OR13G1: variants seen among roughly 807,000 people sequenced by gnomAD.
OR13G1 encodes the protein olfactory receptor family 13 subfamily G member 1.
For synonymous variants in OR13G1, 128 were observed against 136.2 expected, an observed-to-expected ratio of 0.94 and a Z score of 0.42; for missense variants, 369 against 385.7, an observed-to-expected ratio of 0.96 and a Z score of 0.36.
chr1:247,675,921 A>C (rs992887193), intron 1 of OR13G1, among the ~76,000 whole-genome samples: 3 of 152,158 alleles, frequency 2.0e-5, no homozygotes, highest in Non-Finnish European at 4.4e-5. Flanking sequence ...ATCAAAAGCC[A>C]TTTACTCCTG....
chr1:247,673,119 G>C lies in OR13G1; in HGVS notation c.-78C>G, dbSNP rs1659245806. ...GGAAAGAATCCCTGTGTTGTTAGGA[G>C]ATAACATGAGGAGTGTGTGTACTTA... On this transcript the variant is annotated 5_prime_UTR_variant, in exon 2 of 2. The change creates a new upstream start codon in the 5' untranslated region. Transcript: ENST00000642119. The C allele has an allele frequency of 1.8e-6, 2 of 1,100,120 alleles. No individual in the cohort carries two copies. The highest frequency in any genetic ancestry group is 1.6e-5 in the African/African-American group (1 of 64,410). 68.1% of individuals were successfully genotyped at this position (1,100,120 alleles called of 1,614,324 possible). A position where few individuals can be genotyped will look rare whatever the true frequency, so the allele number is the denominator to read the frequency against.
chr1:247,679,220 C>A (rs770861930), intron 1 of OR13G1, among the ~76,000 whole-genome samples: 2 of 151,974 alleles, frequency 1.3e-5, no homozygotes, highest in Non-Finnish European at 2.9e-5. Flanking sequence ...AATTCTTAAA[C>A]TATTTAGCTA....
At chr1:247,673,363 T>TAC (rs542948735) in intron 1 of OR13G1, 84 bp from the exon 2 acceptor site, 8 of 247,944 alleles carry the variant, frequency 3.2e-5, no homozygotes, top group African/African-American at 1.4e-4. Flanking sequence ...CTTGTCTAAA[T>TAC]ACACACACAC....
chr1:247,679,483 G>A (rs1659420865), intron 1 of OR13G1, among the ~76,000 whole-genome samples, 157 bp downstream of exon 1: 1 of 115,368 alleles, frequency 8.7e-6, no homozygotes, highest in African/African-American at 3.6e-5. Flanking sequence ...ATCCGCGGAT[G>A]GATTGTGTGT....
At chr1:247,678,632 G>A (rs1344518843) in intron 1 of OR13G1, among the ~76,000 whole-genome samples, 2 of 152,200 alleles carry the variant, frequency 1.3e-5, no homozygotes, top group African/African-American at 2.4e-5. Flanking sequence ...CACTGTTGAA[G>A]TACTAGAAAA....
intron 1 of OR13G1, among the ~76,000 whole-genome samples, chr1:247,678,052 G>A (rs1235103332): frequency 1.3e-5 from 2 of 152,100 alleles, no homozygotes; most frequent in Admixed American, 6.6e-5. Context: ...TCAGTGAGCC[G>A]AGATCGCGCC....
Position 247,672,700 on chromosome 1 carries a change from G to C in OR13G1, c.342C>G (p.Thr114=), listed in dbSNP as rs1484567817. 5.6e-6 allele frequency: 9 copies of C among 1,613,856 alleles called. No homozygotes were observed. The East Asian group carries it at 1.3e-4, about 24-fold the overall frequency. ...SLGAEMVLFT[T]MAYDRYVAIC... ...TGGCCACATAGCGGTCATAGGCCATGGTGGTGAAGAGAACCATCTCAGCTC... is the reference window on the plus strand; with the variant it reads ...TGGCCACATAGCGGTCATAGGCCATCGTGGTGAAGAGAACCATCTCAGCTC... The change falls in exon 2 of 2, where the codon ACC becomes ACG. Residue 114 remains threonine, a synonymous_variant. Transcript: ENST00000642119.
At chr1:247,677,087 G>A (rs936158667) in intron 1 of OR13G1, among the ~76,000 whole-genome samples, 4 of 151,934 alleles carry the variant, frequency 2.6e-5, no homozygotes, top group East Asian at 3.9e-4. Flanking sequence ...GTGAGACCTC[G>A]TTTCTACAAA....
chr1:247,671,455 C>G lies in OR13G1; in HGVS notation c.*663G>C, dbSNP rs988431049. On this transcript the variant is annotated 3_prime_UTR_variant, in exon 2 of 2. Coordinates refer to ENST00000642119, the MANE Select transcript of OR13G1 (RefSeq NM_001005487.2). ...ATTGAACCGCCATACACACTATTGA[C>G]TGCCTGCCTAATGTCAGACTAATGT... 2.0e-5 allele frequency: 3 copies of G among 152,472 alleles called. No individual in the cohort carries two copies. Among genetic ancestry groups the G allele is most frequent in the African/African-American group, 7.2e-5 (3 of 41,428 alleles). The allele number at this position is 152,472 out of a possible 1,614,324, so 9.4% of individuals were successfully genotyped here.
Position 247,673,147 on chromosome 1 carries a change from G to A in OR13G1, c.-106C>T. 1.2e-6 allele frequency: 1 copy of A among 850,256 alleles called. No individual in the cohort carries two copies. The highest frequency in any genetic ancestry group is 1.8e-6 in the Non-Finnish European group (1 of 547,414). The allele number at this position is 850,256 out of a possible 1,614,324, so 52.7% of individuals were successfully genotyped here. A position where few individuals can be genotyped will look rare whatever the true frequency, so the allele number is the denominator to read the frequency against. ...AACATGAGGAGTGTGTGTACTTAGGGACTTAATTCTTGATTGGACACAACT... is the reference window on the plus strand; with the variant it reads ...AACATGAGGAGTGTGTGTACTTAGGAACTTAATTCTTGATTGGACACAACT... On this transcript the variant is annotated 5_prime_UTR_variant, in exon 2 of 2. Transcript: ENST00000642119.
rs925183271 is a variant in OR13G1, at chr1:247,671,175, A to G, written c.*943T>C. ...CCTAATTTTAGAATATACTCTTCCAATTGGTACTTACAACTTGAAATGGTG... is the reference window on the plus strand; with the variant it reads ...CCTAATTTTAGAATATACTCTTCCAGTTGGTACTTACAACTTGAAATGGTG... On this transcript the variant is annotated 3_prime_UTR_variant, in exon 2 of 2. Coordinates refer to ENST00000642119, the MANE Select transcript of OR13G1 (RefSeq NM_001005487.2). 6.6e-6 allele frequency: 1 copy of G among 152,150 alleles called. No individual in the cohort carries two copies. The highest frequency in any genetic ancestry group is 1.5e-5 in the Non-Finnish European group (1 of 68,028). The allele number at this position is 152,150 out of a possible 1,614,324, so 9.4% of individuals were successfully genotyped here. A position where few individuals can be genotyped will look rare whatever the true frequency, so the allele number is the denominator to read the frequency against.
At position 247,672,143 on chromosome 1, in the gene OR13G1, T is replaced by G; in HGVS notation, c.899A>C (p.Lys300Thr). 6.2e-7 allele frequency: 1 copy of G among 1,613,728 alleles called. No individual in the cohort carries two copies. The highest frequency in any genetic ancestry group is 1.1e-5 in the South Asian group (1 of 91,038). Residue 300 changes from lysine (K) to threonine (T), a missense_variant, in exon 2 of 2, where the codon AAG (lysine) becomes ACG (threonine). Coordinates refer to ENST00000642119, the MANE Select transcript of OR13G1 (RefSeq NM_001005487.2). ...CTAGTGTTTCAGAAATGCAAACACC[T>G]TCCTAATTCCTGCCTGCATCTCCCT... ...QNREMQAGIR[K>T]VFAFLKH
Position 247,672,181 on chromosome 1 carries a change from G to T in OR13G1, c.861C>A (p.Tyr287Ter). 1 of 1,614,084 alleles carries T rather than the reference G, an allele frequency of 6.2e-7. No individual in the cohort carries two copies. Among genetic ancestry groups the T allele is most frequent in the African/African-American group, 1.3e-5 (1 of 75,054 alleles). ...CCTGCATCTCCCTATTCTGGAAGCT[G>T]TACACCATCGGGTTTAATGTGGGAG... ...LVTPTLNPMV[Y>*]SFQNREMQAG... The change falls in exon 2 of 2, where the codon TAC becomes TAA. Residue 287 changes from tyrosine to a stop codon, truncating the protein, a stop_gained. Coordinates refer to ENST00000642119, the MANE Select transcript of OR13G1 (RefSeq NM_001005487.2). LOFTEE classifies it low-confidence loss of function (END_TRUNC).
chr1:247,672,941 A>G lies in OR13G1; in HGVS notation c.101T>C (p.Val34Ala), dbSNP rs576269927. 24 of 1,614,042 alleles carry G rather than the reference A, an allele frequency of 1.5e-5. No homozygotes were observed. The South Asian group carries it at 2.2e-4, about 15-fold the overall frequency. The change falls in exon 2 of 2, where the codon GTG becomes GCG. Residue 34 changes from valine (V) to alanine (A), a missense_variant. Transcript: ENST00000642119. ...IFLFFLIVYL[V>A]AFLGNMLIII... is the part of the protein sequence containing the mutation. ...GATGAGCATGTTGCCGAGAAAAGCC[A>G]CAAGATAGACAATGAGAAAAAAGAG...
chr1:247,673,300 G>A, intron 1 of OR13G1, 21 bp from the exon 2 acceptor site: 1 of 427,236 alleles, frequency 2.3e-6, no homozygotes. Context: ...TGGTTGAGAA[G>A]AAAAATATTT....
At position 247,672,381 on chromosome 1, in the gene OR13G1, C is replaced by T; in HGVS notation, c.661G>A (p.Ala221Thr). ...TCISYGFIIV[A>T]ILRIRTVEGK... ...TCTACTGTGCGGATACGGAGAATAGCAACAATGATAAAACCATAGGAGATG... is the reference window on the plus strand; with the variant it reads ...TCTACTGTGCGGATACGGAGAATAGTAACAATGATAAAACCATAGGAGATG... The change falls in exon 2 of 2, where the codon GCT (alanine) becomes ACT (threonine). Residue 221 changes from alanine to threonine, a missense_variant. Ala to Thr is a moderately conservative substitution (Grantham distance 58). Transcript: ENST00000642119. The T allele has an allele frequency of 6.2e-7, 1 of 1,614,070 alleles. No individual in the cohort carries two copies. The highest frequency in any genetic ancestry group is 8.5e-7 in the Non-Finnish European group (1 of 1,179,976).
At position 247,672,814 on chromosome 1, in the gene OR13G1, C is replaced by T. The variant is rs371166459; in HGVS notation, c.228G>A (p.Pro76=). 8.8e-5 allele frequency: 142 copies of T among 1,613,836 alleles called. No individual in the cohort carries two copies. The highest frequency in any genetic ancestry group is 2.0e-4 in the Admixed American group (12 of 59,942). Residue 76 remains proline, a synonymous_variant, in exon 2 of 2, where the codon CCG becomes CCA. Coordinates refer to ENST00000642119, the MANE Select transcript of OR13G1 (RefSeq NM_001005487.2). ...ATGTTAGCATGGTCCCCAGCATCTT[C>T]GGTATGATGCTTGTTGTGCAGATGA... ...VDIICTTSII[P]KMLGTMLTSE...
In OR13G1 at chr1:247,670,868, G is replaced by A. The variant is rs1222655686; in HGVS notation, c.*1250C>T. ...AAAATTCCAACATGTTTTCATAATT[G>A]TGGAAATATATTGTAAAAATATGCT... On this transcript the variant is annotated 3_prime_UTR_variant, in exon 2 of 2. Transcript: ENST00000642119. 6.6e-6 allele frequency: 1 copy of A among 151,970 alleles called. No homozygotes were observed. The highest frequency in any genetic ancestry group is 2.4e-5 in the African/African-American group (1 of 41,412). 9.4% of individuals were successfully genotyped at this position (151,970 alleles called of 1,614,324 possible).
rs1227216560 is a variant in OR13G1 at position 247,672,754 on chromosome 1, G to A, written c.288C>T (p.Ser96=). The A allele has an allele frequency of 2.5e-6, 4 of 1,614,026 alleles. No individual in the cohort carries two copies. In the East Asian group the frequency reaches 6.7e-5, roughly 27 times the overall value. The part of the protein sequence containing the change: ...ENTISYAGCM[S]QLFLFTWSLG... ...GAGACCATGTGAACAAGAAGAGCTG[G>A]GACATGCAGCCTGCATATGAAATGG... The change falls in exon 2 of 2, where the codon TCC becomes TCT. Residue 96 remains serine (S), a synonymous_variant. Coordinates refer to ENST00000642119, the MANE Select transcript of OR13G1 (RefSeq NM_001005487.2).
Sources: allele counts gnomAD v4.1 joint callset (sites outside exome capture counted in the v4.1 genomes callset), GRCh38; gene constraint gnomAD v4.1.1; transcripts MANE v1.5; gene names NCBI Gene and HGNC (gene_info 2026-07-23, HGNC 2026-07-21).